SLC39A11: variants seen among roughly 807,000 people sequenced by gnomAD.
SLC39A11 encodes solute carrier family 39 member 11, also known as zinc transporter ZIP11.
Under a neutral mutation model 36.1 loss-of-function variants are expected in SLC39A11, and 33 were observed. That is an observed-to-expected ratio of 0.91 (90% confidence interval 0.69 to 1.22). The LOEUF is 1.22. Ranked by LOEUF, SLC39A11 falls within the 50% of genes most tolerant of loss-of-function variation. The pLI, the probability that SLC39A11 is intolerant of heterozygous loss-of-function variation, is 0.00. For synonymous variants in SLC39A11, 166 were observed against 170.3 expected, an observed-to-expected ratio of 0.97 and a Z score of 0.20; for missense variants, 432 against 430.3, an observed-to-expected ratio of 1.00 and a Z score of -0.03.
intron 6 of SLC39A11, among the ~76,000 whole-genome samples, chr17:72,770,974 T>C (rs192166631): frequency 1.7e-3 from 266 of 152,150 alleles, no homozygotes; most frequent in African/African-American, 5.1e-3. Flanking sequence ...GGACACACTT[T>C]GGTTATAATG....
rs1230811617 is a variant in SLC39A11 at position 72,738,226 on chromosome 17, G to A, written c.602-1507C>T. Among the ~76,000 whole-genome samples the A allele has an allele frequency of 3.3e-5, 5 of 152,180 alleles. No homozygotes were observed. The South Asian group carries it at 1.0e-3, about 32-fold the overall frequency. ...TCACCGTGTTAGCCAGGATGGTCTC[G>A]ATCTCCCGACCTCGTGATCCACCCA... On this transcript the variant is annotated intron_variant, in intron 6 of 9. Transcript: ENST00000255559.
At chr17:72,835,909 G>A (rs1251494668) in intron 6 of SLC39A11, among the ~76,000 whole-genome samples, 3 of 152,200 alleles carry the variant, frequency 2.0e-5, no homozygotes, top group Non-Finnish European at 4.4e-5. Flanking sequence ...CCAAGTCTTG[G>A]CCTTTCTGCT....
At chr17:72,748,649 A>G (rs2075038448) in intron 6 of SLC39A11, among the ~76,000 whole-genome samples, 2 of 152,230 alleles carry the variant, frequency 1.3e-5, no homozygotes, top group African/African-American at 4.8e-5. Flanking sequence ...GCATCTGGTT[A>G]AACACCCACA....
chr17:72,966,117 G>A (rs917878154), intron 4 of SLC39A11, among the ~76,000 whole-genome samples: 1 of 152,196 alleles, frequency 6.6e-6, no homozygotes, highest in Non-Finnish European at 1.5e-5. Context: ...CCAGCTGAGG[G>A]CAACGCAGCC....
chr17:72,756,098 T>C (rs1180399918), intron 6 of SLC39A11, among the ~76,000 whole-genome samples: 1 of 152,178 alleles, frequency 6.6e-6, no homozygotes, highest in African/African-American at 2.4e-5. Flanking sequence ...GCACTGTTGG[T>C]AGGAATGAAA....
At chr17:72,761,299 G>A (rs1274875935) in intron 6 of SLC39A11, among the ~76,000 whole-genome samples, 6 of 151,918 alleles carry the variant, frequency 3.9e-5, no homozygotes, top group Admixed American at 6.5e-5. Flanking sequence ...ATATTTAGTA[G>A]AGATGGATTT....
intron 7 of SLC39A11, among the ~76,000 whole-genome samples, chr17:72,686,325 C>T (rs575895371): frequency 1.3e-5 from 2 of 152,314 alleles, no homozygotes; most frequent in Admixed American, 6.5e-5. Flanking sequence ...TCTGAGCCAT[C>T]GTCCAGTGTC....
chr17:72,925,321 G>A (rs1267838739), intron 5 of SLC39A11, among the ~76,000 whole-genome samples: 4 of 152,106 alleles, frequency 2.6e-5, no homozygotes, highest in East Asian at 1.9e-4. Flanking sequence ...GATTACATGC[G>A]AATTTTTAGG....
At chr17:72,931,478 T>C (rs1797725430) in intron 5 of SLC39A11, among the ~76,000 whole-genome samples, 1 of 152,084 alleles carries the variant, frequency 6.6e-6, no homozygotes, top group African/African-American at 2.4e-5. Flanking sequence ...CCACTCCCCA[T>C]CTCCAAGATC....
At chr17:72,843,943 T>C (rs1300349443) in intron 6 of SLC39A11, among the ~76,000 whole-genome samples, 3 of 152,140 alleles carry the variant, frequency 2.0e-5, no homozygotes, top group South Asian at 4.1e-4. Context: ...AGCCTTCCAT[T>C]TTCCTTCTAC....
chr17:72,844,428 G>A (rs993609294), intron 6 of SLC39A11, among the ~76,000 whole-genome samples: 4 of 152,196 alleles, frequency 2.6e-5, no homozygotes, highest in African/African-American at 9.6e-5. Flanking sequence ...CAGCACTTTG[G>A]GAGGCCAAGG....
chr17:73,046,720 T>A (rs2059305696), intron 3 of SLC39A11, among the ~76,000 whole-genome samples: 1 of 152,004 alleles, frequency 6.6e-6, no homozygotes, highest in South Asian at 2.1e-4. Flanking sequence ...AGTGGGCAGA[T>A]CCCTTGAGCC....
At chr17:72,654,864 C>G (rs1041578340) in intron 7 of SLC39A11, among the ~76,000 whole-genome samples, 1 of 152,224 alleles carries the variant, frequency 6.6e-6, no homozygotes, top group African/African-American at 2.4e-5. Context: ...CCAAAGTCCT[C>G]GCCGTGACAT....
intron 4 of SLC39A11, among the ~76,000 whole-genome samples, chr17:72,975,045 T>A (rs1371967873): frequency 1.3e-5 from 2 of 152,208 alleles, no homozygotes; most frequent in Admixed American, 1.3e-4. Flanking sequence ...GTTTGAACAA[T>A]GAGACATTTC....
intron 6 of SLC39A11, among the ~76,000 whole-genome samples, chr17:72,742,118 G>C (rs1411679095): frequency 6.6e-6 from 1 of 152,110 alleles, no homozygotes; most frequent in South Asian, 2.1e-4. Flanking sequence ...CTGGAGAATC[G>C]CTTGAACCCG....
chr17:73,058,825 C>T (rs905419871), intron 3 of SLC39A11, among the ~76,000 whole-genome samples: 2 of 152,102 alleles, frequency 1.3e-5, no homozygotes, highest in African/African-American at 4.8e-5. Context: ...AGGCCTTGCC[C>T]TGTGTTTTGC....
At chr17:72,860,961 G>A (rs2079946586) in intron 5 of SLC39A11, among the ~76,000 whole-genome samples, 1 of 152,196 alleles carries the variant, frequency 6.6e-6, no homozygotes, top group Non-Finnish European at 1.5e-5. Context: ...GAGAGTGGAT[G>A]AGAGTAGGTA....
intron 4 of SLC39A11, among the ~76,000 whole-genome samples, chr17:73,006,651 AACACACACACAC>A (rs144245639): frequency 1.3e-5 from 2 of 149,130 alleles, no homozygotes; most frequent in South Asian, 4.4e-4. Context: ...TCAGTTTGTA[AACACACACACAC>A]ACACACACAC....
At chr17:72,768,573 C>T (rs557058390) in intron 6 of SLC39A11, among the ~76,000 whole-genome samples, 6 of 152,220 alleles carry the variant, frequency 3.9e-5, no homozygotes, top group Admixed American at 3.3e-4. Flanking sequence ...GGAACCGAGG[C>T]TTGCTTTCTC....
Sources: gnomAD v4.1 joint callset for allele counts (sites outside exome capture counted in the v4.1 genomes callset) on GRCh38, gnomAD v4.1.1 for gene constraint, MANE v1.5 for transcripts, NCBI Gene and HGNC (gene_info 2026-07-23, HGNC 2026-07-21) for gene names.